Variants in IL1RAPL2 observed in about 807,000 individuals in gnomAD.
IL1RAPL2 encodes interleukin 1 receptor accessory protein like 2, also known as X-linked interleukin-1 receptor accessory protein-like 2.
IL1RAPL2 carries 3 observed loss-of-function variants against 44.1 expected under a neutral mutation model. That is an observed-to-expected ratio of 0.07 (90% CI 0.03 to 0.18). The LOEUF (loss-of-function observed/expected upper bound fraction) is 0.18. Ranked by LOEUF, IL1RAPL2 falls within the 10% of genes least tolerant of loss-of-function variation. The pLI, the probability that IL1RAPL2 is intolerant of heterozygous loss-of-function variation, is 1.00. For missense variants in IL1RAPL2, 391 were observed against 496.4 expected, an observed-to-expected ratio of 0.79 and a Z score of 2.02; for synonymous variants, 181 against 178.8, an observed-to-expected ratio of 1.01 and a Z score of -0.10.
At chrX:105,569,074 G>A (rs2036995884) in intron 6 of IL1RAPL2, among the ~76,000 whole-genome samples, 1 of 111,275 alleles carries the variant, frequency 9.0e-6, no homozygotes, top group South Asian at 3.8e-4. Context: ...GCCATTTTAC[G>A]AATGCCGTCC....
At position 104,797,882 on chromosome X, in the gene IL1RAPL2, C is replaced by T. The variant is rs147276642; in HGVS notation, c.82+138887C>T. Among the ~76,000 whole-genome samples, 815 of 112,131 alleles carry T rather than the reference C, an allele frequency of 7.3e-3. 11 individuals are homozygous for T. Among genetic ancestry groups the T allele is most frequent in the African/African-American group, 0.026 (791 of 30,833 alleles). On this transcript the variant is annotated intron_variant, in intron 2 of 10. Transcript: ENST00000372582. ...TTATGAGATAGGCAAACAATGAAAG[C>T]GGTCCACACTTATTGCACGCTCAGT...
chrX:104,605,828 T>C (rs1187389911), intron 1 of IL1RAPL2, among the ~76,000 whole-genome samples: 1 of 111,806 alleles, frequency 8.9e-6, no homozygotes, highest in Non-Finnish European at 1.9e-5. Context: ...CAGCAATTAA[T>C]AGCCTACCAA....
chrX:105,264,760 A>G (rs1569415352), intron 4 of IL1RAPL2, among the ~76,000 whole-genome samples: 1 of 111,938 alleles, frequency 8.9e-6, no homozygotes, highest in Admixed American at 9.5e-5. Flanking sequence ...GCTGAAGATG[A>G]CAGAACTTGG....
intron 2 of IL1RAPL2, among the ~76,000 whole-genome samples, chrX:104,879,387 G>C (rs866651480): frequency 3.5e-5 from 1 of 28,887 alleles, no homozygotes; most frequent in Admixed American, 2.4e-4. Context: ...AAAAAAAAGA[G>C]TGCAGAAAAC....
chrX:105,469,298 AG>A (rs1478594143), intron 5 of IL1RAPL2, among the ~76,000 whole-genome samples: 1 of 110,646 alleles, frequency 9.0e-6, no homozygotes, highest in African/African-American at 3.3e-5. Context: ...TTAGCCTGAA[AG>A]GGGAAGAGCT....
chrX:104,919,051 G>A (rs1924547172), intron 2 of IL1RAPL2, among the ~76,000 whole-genome samples: 1 of 110,841 alleles, frequency 9.0e-6, no homozygotes, highest in Non-Finnish European at 1.9e-5. Context: ...CGAACATTAA[G>A]AATTAACTAG....
intron 2 of IL1RAPL2, among the ~76,000 whole-genome samples, chrX:104,882,335 G>A (rs1265998008): frequency 1.8e-5 from 2 of 112,133 alleles, no homozygotes; most frequent in African/African-American, 6.5e-5. Context: ...TTCTAAATAA[G>A]TACCCATTTT....
chrX:104,968,490 T>G (rs2030168978), intron 2 of IL1RAPL2, among the ~76,000 whole-genome samples: 2 of 111,297 alleles, frequency 1.8e-5, no homozygotes, highest in Admixed American at 9.6e-5. Context: ...AGGAGAAAAT[T>G]GCATAACATT....
At chrX:104,886,725 C>T (rs1331816618) in intron 2 of IL1RAPL2, among the ~76,000 whole-genome samples, 2 of 112,047 alleles carry the variant, frequency 1.8e-5, no homozygotes, top group Non-Finnish European at 3.8e-5. Context: ...CTCTGACTCC[C>T]AGTTTCTCTT....
intron 2 of IL1RAPL2, among the ~76,000 whole-genome samples, chrX:104,835,540 T>C (rs1016577035): frequency 7.1e-5 from 8 of 111,902 alleles, no homozygotes; most frequent in African/African-American, 2.6e-4. Flanking sequence ...CATTTAGATT[T>C]GAATTTTTTT....
At chrX:104,583,626 A>G (rs1928455966) in intron 1 of IL1RAPL2, among the ~76,000 whole-genome samples, 1 of 111,924 alleles carries the variant, frequency 8.9e-6, no homozygotes, top group African/African-American at 3.3e-5. Flanking sequence ...ATATATCACA[A>G]TTTGTTTACC....
At chrX:104,810,037 G>A (rs980541039) in intron 2 of IL1RAPL2, among the ~76,000 whole-genome samples, 1 of 110,711 alleles carries the variant, frequency 9.0e-6, no homozygotes, top group Non-Finnish European at 1.9e-5. Context: ...ATGATAGACT[G>A]GATTAAGAAA....
intron 6 of IL1RAPL2, among the ~76,000 whole-genome samples, chrX:105,649,170 C>T (rs938797100): frequency 9.0e-6 from 1 of 111,202 alleles, no homozygotes; most frequent in Non-Finnish European, 1.9e-5. Flanking sequence ...GTCAAGATTT[C>T]GACAATAAAT....
At chrX:105,395,558 T>C (rs997069657) in intron 5 of IL1RAPL2, among the ~76,000 whole-genome samples, 2 of 110,768 alleles carry the variant, frequency 1.8e-5, no homozygotes, top group Non-Finnish European at 3.8e-5. Flanking sequence ...CATTCAGTGT[T>C]GTATAAATAG....
Position 105,106,275 on chromosome X carries a change from G to T in IL1RAPL2, c.83-89200G>T, listed in dbSNP as rs191644452. Among the ~76,000 whole-genome samples the T allele has an allele frequency of 4.7e-3, 521 of 111,318 alleles. 2 individuals are homozygous for T. The highest frequency in any genetic ancestry group is 0.016 in the African/African-American group (500 of 30,619). ...GAAGAATGTGACATAGAAGAGCTAA[G>T]TTCAGGTGAGAGAACATATTCATGG... On this transcript the variant is annotated intron_variant, in intron 2 of 10. Transcript: ENST00000372582.
chrX:104,596,935 A>G (rs1928775434), intron 1 of IL1RAPL2, among the ~76,000 whole-genome samples: 1 of 110,960 alleles, frequency 9.0e-6, no homozygotes, highest in African/African-American at 3.3e-5. Flanking sequence ...AGCTGGAGAG[A>G]TGGATTAGCC....
intron 6 of IL1RAPL2, among the ~76,000 whole-genome samples, chrX:105,669,284 T>C (rs1319264091): frequency 8.9e-6 from 1 of 111,852 alleles, no homozygotes; most frequent in Non-Finnish European, 1.9e-5. Context: ...CATTACGCTT[T>C]CTGGGATTCA....
chrX:105,745,198 T>G (rs1248169687), intron 8 of IL1RAPL2, among the ~76,000 whole-genome samples: 1 of 111,754 alleles, frequency 8.9e-6, no homozygotes, highest in African/African-American at 3.3e-5. Flanking sequence ...CACGACTATT[T>G]AGGCAATCTC....
At chrX:104,775,273 T>C (rs1018577429) in intron 2 of IL1RAPL2, among the ~76,000 whole-genome samples, 3 of 112,158 alleles carry the variant, frequency 2.7e-5, no homozygotes, top group African/African-American at 9.7e-5. Flanking sequence ...TGTTTTAGAA[T>C]AGAAAAAGAG....
Sources: gnomAD v4.1 joint callset for allele counts (sites outside exome capture counted in the v4.1 genomes callset) on GRCh38, gnomAD v4.1.1 for gene constraint, MANE v1.5 for transcripts, NCBI Gene and HGNC (gene_info 2026-07-23, HGNC 2026-07-21) for gene names.